The following CFAP299 variants were observed in gnomAD, a reference collection of about 807,000 sequenced individuals.
CFAP299 encodes cilia- and flagella-associated protein 299.
A neutral mutation model predicts 27.0 loss-of-function variants in CFAP299; 21 were observed. The ratio of observed to expected loss-of-function variants is 0.78; its 90% CI spans 0.55 to 1.12. The LOEUF is 1.12. Ranked by LOEUF, CFAP299 falls within the 50% of genes most tolerant of loss-of-function variation. The pLI is 0.00. For missense variants in CFAP299, 310 were observed against 276.6 expected (o/e 1.12, Z -0.86); for synonymous variants, 104 against 98.1 (o/e 1.06, Z -0.36).
chr4:80,765,647 G>T (rs1292958518), intron 3 of CFAP299, among the ~76,000 whole-genome samples: 1 of 151,486 alleles, frequency 6.6e-6, no homozygotes, highest in Admixed American at 6.6e-5. Context: ...AAGTTTCAGG[G>T]TACATGTGCA....
intron 2 of CFAP299, among the ~76,000 whole-genome samples, chr4:80,412,741 A>T (rs1160798412): frequency 6.6e-6 from 1 of 152,216 alleles, no homozygotes; most frequent in Non-Finnish European, 1.5e-5. Flanking sequence ...GATTGTTAAT[A>T]TCAAGAAATG....
At position 80,573,817 on chromosome 4, in the gene CFAP299, T is replaced by C. The variant is rs545685062; in HGVS notation, c.243-9276T>C. Reference sequence around the variant, plus strand: ...TTCTCTATTCTGTTCCTTTGATTTATGTATCTGTTTTTATGCCAGTACCAT... The same window carrying C: ...TTCTCTATTCTGTTCCTTTGATTTACGTATCTGTTTTTATGCCAGTACCAT... On this transcript the variant is annotated intron_variant, in intron 2 of 5. Transcript: ENST00000358105. 6.6e-5 allele frequency among the ~76,000 whole-genome samples: 10 copies of C among 152,306 alleles called. No homozygotes were observed. The East Asian group carries it at 1.9e-3, about 29-fold the overall frequency.
chr4:80,383,323 C>A lies in CFAP299; in HGVS notation c.242+20439C>A, dbSNP rs185243902. 8.7e-4 allele frequency among the ~76,000 whole-genome samples: 132 copies of A among 151,718 alleles called. 1 individual carries two copies. Among genetic ancestry groups the A allele is most frequent in the African/African-American group, 3.0e-3 (126 of 41,400 alleles). On this transcript the variant is annotated intron_variant, in intron 2 of 5. Coordinates refer to ENST00000358105, the MANE Select transcript of CFAP299 (RefSeq NM_152770.3). The stretch of plus-strand genomic sequence containing the variant: ...CTTATGGGACAAACCTGCACATGTA[C>A]CCCAGAATATAAAATGAAAGTTTAA...
intron 3 of CFAP299, among the ~76,000 whole-genome samples, chr4:80,782,602 A>G (rs899101874): frequency 7.8e-6 from 1 of 128,272 alleles, no homozygotes; most frequent in African/African-American, 2.8e-5. Context: ...CATATATAAT[A>G]TACATATATT....
intron 2 of CFAP299, among the ~76,000 whole-genome samples, chr4:80,404,703 C>T (rs778161102): frequency 2.0e-5 from 3 of 152,104 alleles, no homozygotes; most frequent in African/African-American, 4.8e-5. Flanking sequence ...ACTTGGGTTG[C>T]TTCTATCTTT....
intron 3 of CFAP299, among the ~76,000 whole-genome samples, chr4:80,859,755 T>C (rs955494608): frequency 2.0e-5 from 3 of 152,218 alleles, no homozygotes; most frequent in South Asian, 2.1e-4. Flanking sequence ...TCTTCTGGCT[T>C]GTAGAGTTTC....
chr4:80,549,933 A>C (rs529853646), intron 2 of CFAP299, among the ~76,000 whole-genome samples: 1 of 152,100 alleles, frequency 6.6e-6, no homozygotes, highest in African/African-American at 2.4e-5. Context: ...ATTTTTCTAC[A>C]GAAATTACTT....
intron 1 of CFAP299, among the ~76,000 whole-genome samples, chr4:80,340,607 A>G (rs556898311): frequency 3.4e-4 from 51 of 152,176 alleles, no homozygotes; most frequent in African/African-American, 1.1e-3. Flanking sequence ...ACTGCCTAAG[A>G]TGGACAAATT....
intron 2 of CFAP299, among the ~76,000 whole-genome samples, chr4:80,550,110 T>C (rs960300279): frequency 6.6e-6 from 1 of 152,034 alleles, no homozygotes; most frequent in Admixed American, 6.6e-5. Flanking sequence ...ATGATTATTG[T>C]ATATGATTAT....
At chr4:80,625,682 A>C (rs1426059729) in intron 3 of CFAP299, among the ~76,000 whole-genome samples, 2 of 152,060 alleles carry the variant, frequency 1.3e-5, no homozygotes, top group East Asian at 3.8e-4. Context: ...CTTAAAGTGA[A>C]GGGCTGGAGA....
Position 80,567,015 on chromosome 4 carries a change from T to TAA in CFAP299, c.243-16069_243-16068dup, listed in dbSNP as rs199558331. ...GCCAACCCATTTTTTCTCCTTAAAA[T>TAA]AAAAAAAAAACAAAAAGAAAAAGTT... On this transcript the variant is annotated intron_variant, in intron 2 of 5. Transcript: ENST00000358105. 1.7e-4 allele frequency among the ~76,000 whole-genome samples: 25 copies of TAA among 146,156 alleles called. No homozygotes were observed. The East Asian group carries it at 4.8e-3, about 28-fold the overall frequency.
intron 3 of CFAP299, among the ~76,000 whole-genome samples, chr4:80,667,431 C>T (rs933234601): frequency 4.6e-5 from 7 of 152,120 alleles, no homozygotes; most frequent in African/African-American, 1.7e-4. Flanking sequence ...AATACTAGGT[C>T]TTATTTCTTC....
intron 3 of CFAP299, among the ~76,000 whole-genome samples, chr4:80,663,842 A>G (rs1740996172): frequency 6.6e-6 from 1 of 152,138 alleles, no homozygotes; most frequent in East Asian, 1.9e-4. Flanking sequence ...CTGTGGTGAG[A>G]TGGTATCTCA....
chr4:80,864,469 CCTATGTGTAT>C (rs1732580555), intron 3 of CFAP299, among the ~76,000 whole-genome samples: 5 of 136,736 alleles, frequency 3.7e-5, no homozygotes, highest in South Asian at 2.3e-4. Context: ...TATATATATA[CCTATGTGTAT>C]ACATATATAC....
At chr4:80,363,255 C>T (rs1723640928) in intron 2 of CFAP299, among the ~76,000 whole-genome samples, 1 of 152,228 alleles carries the variant, frequency 6.6e-6, no homozygotes, top group South Asian at 2.1e-4. Context: ...TTTATGTTCT[C>T]ACATTTTTCT....
At chr4:80,734,346 C>T (rs757571233) in intron 3 of CFAP299, among the ~76,000 whole-genome samples, 20 of 151,964 alleles carry the variant, frequency 1.3e-4, no homozygotes, top group Admixed American at 9.2e-4. Flanking sequence ...TGTTTGAGCT[C>T]CTTCTATATT....
rs1054498664 is a variant in CFAP299, at chr4:80,378,217, G to A, written c.242+15333G>A. 8.5e-5 allele frequency among the ~76,000 whole-genome samples: 13 copies of A among 152,070 alleles called. 1 individual carries two copies. Among genetic ancestry groups the A allele is most frequent in the Middle Eastern group, 3.2e-3 (1 of 316 alleles). On this transcript the variant is annotated intron_variant, in intron 2 of 5. Coordinates refer to ENST00000358105, the MANE Select transcript of CFAP299 (RefSeq NM_152770.3). Reference sequence around the variant, plus strand: ...GCTCTTGTAACTAGAATTTTTAAAAGTCACTTTCTAATTGATTATTGATAG... The same window carrying A: ...GCTCTTGTAACTAGAATTTTTAAAAATCACTTTCTAATTGATTATTGATAG...
At chr4:80,603,780 A>G (rs139198169) in intron 3 of CFAP299, among the ~76,000 whole-genome samples, 34 of 152,344 alleles carry the variant, frequency 2.2e-4, no homozygotes, top group Non-Finnish European at 4.7e-4. Flanking sequence ...GGTTGAAAAT[A>G]CATAATGGCT....
At chr4:80,881,096 T>C (rs556035827) in intron 4 of CFAP299, among the ~76,000 whole-genome samples, 1 of 152,266 alleles carries the variant, frequency 6.6e-6, no homozygotes, top group South Asian at 2.1e-4. Context: ...AGGTTGTATC[T>C]CTAGGAGGAA....
Sources: allele counts gnomAD v4.1 joint callset (sites outside exome capture counted in the v4.1 genomes callset), GRCh38; gene constraint gnomAD v4.1.1; transcripts MANE v1.5; gene names NCBI Gene and HGNC (gene_info 2026-07-23, HGNC 2026-07-21).